The following ADCY1 variants were observed in gnomAD, a reference collection of about 807,000 sequenced individuals.
ADCY1 encodes the protein adenylate cyclase 1, also known as adenylate cyclase type 1.
Under a neutral mutation model 105.4 loss-of-function variants are expected in ADCY1, and 28 were observed. The observed-to-expected ratio is 0.27, with a 90% CI of 0.20 to 0.36. ADCY1 has a LOEUF of 0.36. ADCY1 is among the 10% of genes least tolerant of loss of function. The pLI, the probability that ADCY1 is intolerant of heterozygous loss-of-function variation, is 1.00. For synonymous variants in ADCY1, 655 were observed against 623.8 expected, an observed-to-expected ratio of 1.05 and a Z score of -0.75; for missense variants, 977 against 1,434.2, an observed-to-expected ratio of 0.68 and a Z score of 5.15.
intron 8 of ADCY1, among the ~76,000 whole-genome samples, chr7:45,663,744 G>T (rs143086571): frequency 3.3e-5 from 5 of 152,062 alleles, no homozygotes; most frequent in Non-Finnish European, 7.4e-5. Context: ...GCTTTAACCC[G>T]GGAGGTGGAG....
At chr7:45,655,494 C>T (rs967421546) in intron 5 of ADCY1, among the ~76,000 whole-genome samples, 5 of 152,200 alleles carry the variant, frequency 3.3e-5, no homozygotes, top group East Asian at 1.9e-4. Context: ...TGGATTTAGA[C>T]GAAGCCAGCT....
At chr7:45,661,779 T>TC (rs774557662) in intron 7 of ADCY1, among the ~76,000 whole-genome samples, 13 of 152,140 alleles carry the variant, frequency 8.5e-5, no homozygotes, top group African/African-American at 1.4e-4. Flanking sequence ...CCTCCAGCCT[T>TC]CCCCCGCACT....
intron 2 of ADCY1, among the ~76,000 whole-genome samples, chr7:45,599,315 C>T (rs1310226893): frequency 6.6e-6 from 1 of 151,936 alleles, no homozygotes; most frequent in African/African-American, 2.4e-5. Context: ...ACACATCTGG[C>T]TCCATGCTGA....
Position 45,722,064 on chromosome 7 carries a change from G to C in ADCY1, c.*8069G>C, listed in dbSNP as rs896714792. 1 of 372,788 alleles carries C rather than the reference G, an allele frequency of 2.7e-6. No individual in the cohort carries two copies. Among genetic ancestry groups the C allele is most frequent in the East Asian group, 3.8e-5 (1 of 26,326 alleles). The allele number at this position is 372,788 out of a possible 1,614,324, so 23.1% of individuals were successfully genotyped here. The stretch of plus-strand genomic sequence containing the variant: ...GCTGGCCCGACGGCAGCCAGAACTT[G>C]TTTCTCACCTCCCACCAGCAACCCC... On this transcript the variant is annotated 3_prime_UTR_variant, in exon 20 of 20. Transcript: ENST00000297323.
At chr7:45,620,578 G>A (rs1480022588) in intron 3 of ADCY1, among the ~76,000 whole-genome samples, 8 of 152,144 alleles carry the variant, frequency 5.3e-5, no homozygotes, top group Admixed American at 3.9e-4. Flanking sequence ...ACACATCCAA[G>A]AAGCTGAGTG....
chr7:45,685,200 C>T, intron 12 of ADCY1, 132 bp downstream of exon 12: 1 of 787,256 alleles, frequency 1.3e-6, no homozygotes, highest in Non-Finnish European at 2.2e-6. Context: ...GCATGGGGCC[C>T]CAAGGAGCCA....
At chr7:45,663,932 G>T (rs1795199166) in intron 8 of ADCY1, among the ~76,000 whole-genome samples, 1 of 152,298 alleles carries the variant, frequency 6.6e-6, no homozygotes, top group Non-Finnish European at 1.5e-5. Flanking sequence ...GAATGGAGTC[G>T]TGCTGTTGCG....
chr7:45,610,877 TGGGAAGGTGATG>T (rs1793552292), intron 3 of ADCY1, among the ~76,000 whole-genome samples: 1 of 111,708 alleles, frequency 9.0e-6, no homozygotes, highest in African/African-American at 3.5e-5. Flanking sequence ...ATGGTGGAGG[TGGGAAGGTGATG>T]GTGGAGGTGG....
At chr7:45,704,112 T>A (rs1785058258) in intron 16 of ADCY1, among the ~76,000 whole-genome samples, 1 of 151,796 alleles carries the variant, frequency 6.6e-6, no homozygotes, top group Non-Finnish European at 1.5e-5. Context: ...GCGGGCACCC[T>A]TGTCTACAGA....
At chr7:45,657,650 T>C (rs1199379672) in intron 5 of ADCY1, 77 bp from the exon 6 acceptor site, 10 of 1,468,090 alleles carry the variant, frequency 6.8e-6, no homozygotes, top group Admixed American at 2.0e-5. Flanking sequence ...GCTCACAGCC[T>C]AGCAGTGCAG....
At position 45,574,862 on chromosome 7, in the gene ADCY1, G is replaced by C. The variant is rs200378809; in HGVS notation, c.319G>C (p.Val107Leu). Residue 107 changes from valine (V) to leucine (L), a missense_variant, in exon 1 of 20, where the codon GTG becomes CTG. Val to Leu is a conservative substitution (Grantham distance 32). Coordinates refer to ENST00000297323, the MANE Select transcript of ADCY1 (RefSeq NM_021116.4). The surrounding 1 kb of genome is among the most constrained non-coding windows in gnomAD (Gnocchi z 7.0). ...CTGCGTCCTCTTCCTGGCGCTGCTC[G>C]TGGTAACCAACGTCCGGTCCCTGCA... Reference protein sequence around the residue: ...VHCVLFLALLVVTNVRSLQVP... With the variant: ...VHCVLFLALLLVTNVRSLQVP... 6.2e-7 allele frequency: 1 copy of C among 1,611,594 alleles called. No homozygotes were observed. Among genetic ancestry groups the C allele is most frequent in the Non-Finnish European group, 8.5e-7 (1 of 1,179,624 alleles).
Position 45,708,332 on chromosome 7 carries a change from C to A in ADCY1, c.2818-18C>A, listed in dbSNP as rs569677056. ...CTTGCACTCCCCAGATGTAATGACC[C>A]CATCTGTTTACACCTAGGCTAAGAA... On this transcript the variant is annotated intron_variant, in intron 17 of 19. Coordinates refer to ENST00000297323, the MANE Select transcript of ADCY1 (RefSeq NM_021116.4). This position sits in a 1 kb window ranked among gnomAD's most constrained non-coding sequence, Gnocchi z 4.7. 3.2e-6 allele frequency: 5 copies of A among 1,580,264 alleles called. No homozygotes were observed. The highest frequency in any genetic ancestry group is 2.2e-5 in the East Asian group (1 of 44,760).
chr7:45,610,761 GAGGT>G (rs1562686993), intron 3 of ADCY1, among the ~76,000 whole-genome samples: 10 of 129,668 alleles, frequency 7.7e-5, no homozygotes, highest in South Asian at 2.6e-4. Context: ...TGGAGGTGTA[GAGGT>G]GATAGTGGAG....
rs979252425 is a variant in ADCY1 at position 45,722,569 on chromosome 7, T to C, written c.*8574T>C. On this transcript the variant is annotated 3_prime_UTR_variant, in exon 20 of 20. Transcript: ENST00000297323. ...CACACCCCCCGCTCAAACAACAATG[T>C]CCTTATTATGATGACCATCTCGTAG... 6.6e-6 allele frequency: 1 copy of C among 152,202 alleles called. No individual in the cohort carries two copies. The highest frequency in any genetic ancestry group is 2.4e-5 in the African/African-American group (1 of 41,446). 9.4% of individuals were successfully genotyped at this position (152,202 alleles called of 1,614,324 possible). A position where few individuals can be genotyped will look rare whatever the true frequency, so the allele number is the denominator to read the frequency against.
intron 11 of ADCY1, among the ~76,000 whole-genome samples, chr7:45,680,833 A>G (rs1444834175): frequency 2.0e-5 from 3 of 152,366 alleles, no homozygotes; most frequent in South Asian, 2.1e-4. Flanking sequence ...TGCCCACCCA[A>G]TGGTGTACAA....
intron 2 of ADCY1, among the ~76,000 whole-genome samples, chr7:45,606,872 T>C (rs776839372): frequency 6.6e-6 from 1 of 152,234 alleles, no homozygotes; most frequent in Non-Finnish European, 1.5e-5. Context: ...TTTAAATTAT[T>C]TTGTTGGCTA....
intron 4 of ADCY1, among the ~76,000 whole-genome samples, chr7:45,628,038 T>C (rs1794114789): frequency 6.6e-6 from 1 of 152,172 alleles, no homozygotes; most frequent in Non-Finnish European, 1.5e-5. Flanking sequence ...TTCTTTGCTA[T>C]TTCTCAGCAC....
At chr7:45,670,310 G>A (rs1784340604) in intron 8 of ADCY1, among the ~76,000 whole-genome samples, 1 of 152,198 alleles carries the variant, frequency 6.6e-6, no homozygotes, top group East Asian at 1.9e-4. Flanking sequence ...CCACTCTCGT[G>A]GATGCCCGTC....
intron 7 of ADCY1, 146 bp from the exon 8 acceptor site, chr7:45,661,913 C>A (rs1562712899): frequency 2.0e-5 from 19 of 972,582 alleles, no homozygotes; most frequent in Non-Finnish European, 2.9e-5. Context: ...GGGCACGTTC[C>A]CCAATGCCTG....
Sources: allele counts gnomAD v4.1 joint callset (sites outside exome capture counted in the v4.1 genomes callset), GRCh38; gene constraint gnomAD v4.1.1; non-coding constraint Gnocchi (gnomAD v3.1); transcripts MANE v1.5; gene names NCBI Gene and HGNC (gene_info 2026-07-23, HGNC 2026-07-21).